PALLD: variants seen among roughly 807,000 people sequenced by gnomAD.
PALLD encodes the protein palladin, cytoskeletal associated protein.
A neutral mutation model predicts 123.5 loss-of-function variants in PALLD; 61 were observed. That is an observed-to-expected ratio of 0.49 (90% CI 0.40 to 0.61). The LOEUF (loss-of-function observed/expected upper bound fraction) is 0.61. PALLD is among the 20% of genes least tolerant of loss of function. PALLD has a pLI of 0.00. For missense variants in PALLD, 1,273 were observed against 1,377.0 expected, an observed-to-expected ratio of 0.92 and a Z score of 1.20; for synonymous variants, 465 against 496.4, an observed-to-expected ratio of 0.94 and a Z score of 0.84.
At chr4:168,836,547 A>C (rs1326620247) in intron 10 of PALLD, among the ~76,000 whole-genome samples, 1 of 152,248 alleles carries the variant, frequency 6.6e-6, no homozygotes, top group Non-Finnish European at 1.5e-5. Context: ...CCTTTGTTGA[A>C]TAGTTATTGC....
chr4:168,792,413 A>T (rs1215809679), intron 10 of PALLD, among the ~76,000 whole-genome samples: 2 of 152,136 alleles, frequency 1.3e-5, no homozygotes, highest in Admixed American at 6.5e-5. Flanking sequence ...AAGTAAAAGA[A>T]GTTTGTCTTT....
intron 2 of PALLD, among the ~76,000 whole-genome samples, chr4:168,540,581 C>T (rs949721645): frequency 2.6e-5 from 4 of 151,828 alleles, no homozygotes; most frequent in Non-Finnish European, 5.9e-5. Flanking sequence ...TTTCAGTTTG[C>T]GCATTTTTTT....
intron 10 of PALLD, among the ~76,000 whole-genome samples, chr4:168,787,886 T>G (rs570726394): frequency 6.6e-6 from 1 of 152,234 alleles, no homozygotes. Flanking sequence ...TACACACTTA[T>G]GTATGTTTAT....
At chr4:168,556,426 GTTGAAGAAGAAGAA>G (rs1767313968) in intron 2 of PALLD, among the ~76,000 whole-genome samples, 1 of 152,168 alleles carries the variant, frequency 6.6e-6, no homozygotes, top group Admixed American at 6.5e-5. Context: ...GGGACCAGAA[GTTGAAGAAGAAGAA>G]GTGAAGAAAA....
chr4:168,645,268 A>T (rs1172311719), intron 2 of PALLD, among the ~76,000 whole-genome samples: 1 of 152,186 alleles, frequency 6.6e-6, no homozygotes, highest in Non-Finnish European at 1.5e-5. Context: ...AAATGAGACA[A>T]CACCTATGGT....
intron 6 of PALLD, chr4:168,686,546 G>A (rs1782069514): frequency 6.6e-6 from 1 of 152,176 alleles, no homozygotes; most frequent in South Asian, 2.1e-4. Flanking sequence ...TCCCTGCAAA[G>A]GACATGAATT....
chr4:168,604,075 A>G (rs1436177783), intron 2 of PALLD, among the ~76,000 whole-genome samples: 1 of 152,236 alleles, frequency 6.6e-6, no homozygotes, highest in African/African-American at 2.4e-5. Flanking sequence ...AATAACTCTG[A>G]AAACTCTCCC....
At chr4:168,616,581 C>T (rs982906735) in intron 2 of PALLD, among the ~76,000 whole-genome samples, 21 of 152,136 alleles carry the variant, frequency 1.4e-4, no homozygotes, top group African/African-American at 5.1e-4. Flanking sequence ...CCTCTCTACT[C>T]CTGGTTTCTG....
chr4:168,594,511 A>C (rs1484125596), intron 2 of PALLD, among the ~76,000 whole-genome samples: 1 of 152,186 alleles, frequency 6.6e-6, no homozygotes, highest in African/African-American at 2.4e-5. Flanking sequence ...ATGTCTTTTC[A>C]GAACCTTGTA....
chr4:168,861,155 T>C (rs1255554389), intron 10 of PALLD, among the ~76,000 whole-genome samples: 5 of 152,354 alleles, frequency 3.3e-5, no homozygotes, highest in African/African-American at 1.2e-4. Flanking sequence ...CCATATTTGC[T>C]TAAGTAAACT....
At chr4:168,891,653 G>A (rs1295650502) in intron 11 of PALLD, among the ~76,000 whole-genome samples, 2 of 149,350 alleles carry the variant, frequency 1.3e-5, no homozygotes, top group East Asian at 3.9e-4. Context: ...CTGGTTGGGA[G>A]AGGAACAAAT....
At chr4:168,524,993 ATCCC>A (rs1763910169) in intron 2 of PALLD, among the ~76,000 whole-genome samples, 2 of 152,126 alleles carry the variant, frequency 1.3e-5, no homozygotes, top group South Asian at 4.1e-4. Context: ...CAGAACACTG[ATCCC>A]AAGCAGAATA....
At chr4:168,631,616 C>T (rs1165681763) in intron 2 of PALLD, 3 of 985,486 alleles carry the variant, frequency 3.0e-6, no homozygotes, top group Admixed American at 6.1e-5. Context: ...AGACGCGGCG[C>T]ATTCGCGCGC....
At chr4:168,761,645 G>GTTTTTTTTTTTTTTTTTTGTTTTTT (rs1732880990) in intron 10 of PALLD, among the ~76,000 whole-genome samples, 2 of 88,022 alleles carry the variant, frequency 2.3e-5, no homozygotes, top group Non-Finnish European at 4.4e-5. Context: ...GTTGTTGTTT[G>GTTTTTTTTTTTTTTTTTTGTTTTTT]TTTTTTTTTT....
At chr4:168,616,708 C>T (rs1344657617) in intron 2 of PALLD, among the ~76,000 whole-genome samples, 1 of 152,160 alleles carries the variant, frequency 6.6e-6, no homozygotes, top group African/African-American at 2.4e-5. Flanking sequence ...CAAGCCCCAT[C>T]CCAAGTCTGC....
At chr4:168,739,335 A>G (rs1003769397) in intron 10 of PALLD, among the ~76,000 whole-genome samples, 2 of 152,120 alleles carry the variant, frequency 1.3e-5, no homozygotes, top group African/African-American at 4.8e-5. Context: ...TTTTTGAGAA[A>G]TCTCCATACT....
intron 10 of PALLD, among the ~76,000 whole-genome samples, chr4:168,777,101 T>TACACAC (rs1735265290): frequency 6.7e-6 from 1 of 149,512 alleles, no homozygotes; most frequent in Non-Finnish European, 1.5e-5. Flanking sequence ...GGCACACACA[T>TACACAC]ATACACACAC....
chr4:168,506,302 T>A (rs548832512), intron 1 of PALLD, among the ~76,000 whole-genome samples: 1 of 152,296 alleles, frequency 6.6e-6, no homozygotes, highest in South Asian at 2.1e-4. Context: ...AAACCTCCAA[T>A]GCACAGAAGT....
chr4:168,674,580 G>A (rs191312860), intron 3 of PALLD, among the ~76,000 whole-genome samples: 1 of 152,292 alleles, frequency 6.6e-6, no homozygotes, highest in Non-Finnish European at 1.5e-5. Context: ...GCTGCAAGAT[G>A]TGTCTGCTGC....
Sources: gnomAD v4.1 joint callset for allele counts (sites outside exome capture counted in the v4.1 genomes callset) on GRCh38, gnomAD v4.1.1 for gene constraint, MANE v1.5 for transcripts, NCBI Gene and HGNC (gene_info 2026-07-23, HGNC 2026-07-21) for gene names.